The following CXCL14 variants were observed in gnomAD, a reference collection of about 807,000 sequenced individuals.
CXCL14 encodes the protein C-X-C motif chemokine 14.
A neutral mutation model predicts 16.1 loss-of-function variants in CXCL14; 9 were observed. The ratio of observed to expected loss-of-function variants is 0.56; its 90% CI spans 0.34 to 0.97. CXCL14 has a LOEUF of 0.97. Ranked by LOEUF, CXCL14 falls within the 50% of genes least tolerant of loss-of-function variation. CXCL14 has a pLI of 0.02. For synonymous variants in CXCL14, 55 were observed against 52.8 expected, an observed-to-expected ratio of 1.04 and a Z score of -0.18; for missense variants, 111 against 132.5, an observed-to-expected ratio of 0.84 and a Z score of 0.80.
intron 3 of CXCL14, 50 bp from the exon 4 acceptor site, chr5:135,571,918 G>T (rs190844135): frequency 1.2e-6 from 2 of 1,600,718 alleles, no homozygotes; most frequent in Admixed American, 1.7e-5. Context: ...GAGGCAGGCC[G>T]TTCACAAGAT....
chr5:135,572,678 A>G (rs1387644199), intron 3 of CXCL14, among the ~76,000 whole-genome samples: 1 of 152,242 alleles, frequency 6.6e-6, no homozygotes. Context: ...CCATTGAAAT[A>G]AAATGCCTGA....
intron 3 of CXCL14, among the ~76,000 whole-genome samples, chr5:135,572,342 G>T (rs1307495691): frequency 6.6e-6 from 1 of 152,214 alleles, no homozygotes; most frequent in East Asian, 1.9e-4. Context: ...ACTTAGGCTT[G>T]TATATTTCTT....
At chr5:135,574,951 C>A (rs184989384) in intron 2 of CXCL14, among the ~76,000 whole-genome samples, 5 of 152,278 alleles carry the variant, frequency 3.3e-5, no homozygotes, top group African/African-American at 1.2e-4. Context: ...TCCTGAGAGT[C>A]TGGGATGGTC....
intron 3 of CXCL14, among the ~76,000 whole-genome samples, chr5:135,574,251 T>G (rs559605149): frequency 6.6e-6 from 1 of 152,256 alleles, no homozygotes. Context: ...CACTCTGCCA[T>G]TTAACAACTT....
At position 135,574,549 on chromosome 5, in the gene CXCL14, A is replaced by G. The variant is rs377621201; in HGVS notation, c.284+23T>C. ...CCACAGCTGGGTCTGGTGGGAAGGAAGGTGAGTAGAGGCGGGGCGTACCTG... is the reference window on the plus strand; with the variant it reads ...CCACAGCTGGGTCTGGTGGGAAGGAGGGTGAGTAGAGGCGGGGCGTACCTG... On this transcript the variant is annotated intron_variant, in intron 3 of 3. Transcript: ENST00000512158. 41 of 1,597,296 alleles carry G rather than the reference A, an allele frequency of 2.6e-5. No individual in the cohort carries two copies. In the African/African-American group the frequency reaches 3.1e-4, roughly 12 times the overall value.
chr5:135,576,555 C>T (rs1751101351), intron 2 of CXCL14, among the ~76,000 whole-genome samples: 1 of 152,166 alleles, frequency 6.6e-6, no homozygotes, highest in Non-Finnish European at 1.5e-5. Context: ...GGATTTGTGA[C>T]TCCAGCAACT....
rs751522250 is a variant in CXCL14 at position 135,574,697 on chromosome 5, C to G, written c.171-12G>C. On this transcript the variant is annotated splice_polypyrimidine_tract_variant and intron_variant, in intron 2 of 3. Transcript: ENST00000512158. Reference sequence around the variant, plus strand: ...TCTTGGTGGTGATGCTGAAACGGAGCAGGATGAGGTGGAGGGTTGAGGAGC... The same window carrying G: ...TCTTGGTGGTGATGCTGAAACGGAGGAGGATGAGGTGGAGGGTTGAGGAGC... 6.2e-6 allele frequency: 10 copies of G among 1,607,004 alleles called. No homozygotes were observed. In the South Asian group the frequency reaches 1.1e-4, roughly 18 times the overall value.
rs566365690 is a variant in CXCL14, at chr5:135,571,742, C to CTTTTTTT, written c.*104_*110dup. 81 of 460,532 alleles carry CTTTTTTT rather than the reference C, an allele frequency of 1.8e-4. 3 individuals are homozygous for CTTTTTTT. Among genetic ancestry groups the CTTTTTTT allele is most frequent in the African/African-American group, 3.4e-4 (8 of 23,568 alleles). 28.5% of individuals were successfully genotyped at this position (460,532 alleles called of 1,614,324 possible). On this transcript the variant is annotated 3_prime_UTR_variant, in exon 4 of 4. Transcript: ENST00000512158. Reference sequence around the variant, plus strand: ...GTCTTATGCCTGTGAGAAAGAAAGGCTTTTTTTTTTTTTTTTTTTTTTTTT... The same window carrying CTTTTTTT: ...GTCTTATGCCTGTGAGAAAGAAAGGCTTTTTTTTTTTTTTTTTTTTTTTTTTTTTTTT...
At chr5:135,578,675 A>C in intron 1 of CXCL14, 40 bp downstream of exon 1, 1 of 1,557,900 alleles carries the variant, frequency 6.4e-7, no homozygotes, top group Non-Finnish European at 8.7e-7. Flanking sequence ...CCAGGACAGG[A>C]CAAGACGAGA....
chr5:135,578,426 G>A lies in CXCL14; in HGVS notation c.170+8C>T. The stretch of plus-strand genomic sequence containing the variant: ...CGCACCCCCTCAAGGTGAGGAGCGA[G>A]AACTCACATAACCATCTTCTCCTCG... On this transcript the variant is annotated splice_region_variant and intron_variant, in intron 2 of 3. Transcript: ENST00000512158. The A allele has an allele frequency of 6.2e-7, 1 of 1,611,252 alleles. No individual in the cohort carries two copies. The highest frequency in any genetic ancestry group is 8.5e-7 in the Non-Finnish European group (1 of 1,177,318).
intron 3 of CXCL14, 71 bp from the exon 4 acceptor site, chr5:135,571,939 C>G: frequency 6.6e-7 from 1 of 1,518,296 alleles, no homozygotes; most frequent in South Asian, 1.1e-5. Context: ...GCTGGCTAAG[C>G]GGCTTCATTC....
rs1379331512 is a variant in CXCL14, at chr5:135,578,548, G to A, written c.65-9C>T. 3 of 1,613,684 alleles carry A rather than the reference G, an allele frequency of 1.9e-6. No homozygotes were observed. Among genetic ancestry groups the A allele is most frequent in the East Asian group, 2.2e-5 (1 of 44,870 alleles). On this transcript the variant is annotated splice_polypyrimidine_tract_variant and intron_variant, in intron 1 of 3. Coordinates refer to ENST00000512158, the MANE Select transcript of CXCL14 (RefSeq NM_004887.5). ...GCACTTGCATTTGGACCCTGCGAGC[G>A]AGCGCGGGGCAACGGCTTAGTTGCT... is the stretch of plus-strand genomic sequence containing the variant.
At chr5:135,575,924 T>G (rs1751090136) in intron 2 of CXCL14, among the ~76,000 whole-genome samples, 1 of 152,098 alleles carries the variant, frequency 6.6e-6, no homozygotes, top group Non-Finnish European at 1.5e-5. Flanking sequence ...GGTCAGCTAG[T>G]TCCCCACTGT....
At chr5:135,575,318 C>T (rs926403072) in intron 2 of CXCL14, among the ~76,000 whole-genome samples, 4 of 152,124 alleles carry the variant, frequency 2.6e-5, no homozygotes, top group Admixed American at 2.6e-4. Context: ...CTCTTCTGCA[C>T]AGCCTGAAGA....
intron 2 of CXCL14, among the ~76,000 whole-genome samples, chr5:135,575,094 C>A (rs1751079588): frequency 6.6e-6 from 1 of 152,188 alleles, no homozygotes; most frequent in South Asian, 2.1e-4. Context: ...CAGCAAGGTG[C>A]ACATGCCAAA....
chr5:135,577,708 G>C (rs930946989), intron 2 of CXCL14, among the ~76,000 whole-genome samples: 4 of 152,210 alleles, frequency 2.6e-5, no homozygotes, highest in African/African-American at 9.7e-5. Context: ...AGGAGGCAGC[G>C]GTGCTGGCCT....
At chr5:135,578,626 C>T (rs1751159165) in intron 1 of CXCL14, 87 bp from the exon 2 acceptor site, 1 of 1,591,956 alleles carries the variant, frequency 6.3e-7, no homozygotes, top group East Asian at 2.2e-5. Flanking sequence ...CCACCCCCCG[C>T]GGGATCCCAG....
intron 2 of CXCL14, among the ~76,000 whole-genome samples, chr5:135,577,967 C>G (rs536149556): frequency 2.6e-5 from 4 of 152,240 alleles, no homozygotes; most frequent in Non-Finnish European, 5.9e-5. Flanking sequence ...GTCCACTTGT[C>G]TCTGACTGGA....
chr5:135,578,909 G>T lies in CXCL14; in HGVS notation c.-131C>A. ...CGGGGCGCGCCTTCCGGCTCTGCTG[G>T]CTCCGGCTGCGCCGTCGGTGGATGC... On this transcript the variant is annotated 5_prime_UTR_variant, in exon 1 of 4. Transcript: ENST00000512158. 1 of 1,012,856 alleles carries T rather than the reference G, an allele frequency of 9.9e-7. No homozygotes were observed. 62.7% of individuals were successfully genotyped at this position (1,012,856 alleles called of 1,614,324 possible).
Sources: allele counts gnomAD v4.1 joint callset (sites outside exome capture counted in the v4.1 genomes callset), GRCh38; gene constraint gnomAD v4.1.1; transcripts MANE v1.5; gene names NCBI Gene and HGNC (gene_info 2026-07-23, HGNC 2026-07-21).